Variants in KAT6B observed in about 807,000 individuals in gnomAD.
KAT6B encodes the protein histone acetyltransferase KAT6B.
In KAT6B, 10 loss-of-function variants were observed where a neutral mutation model predicts 187.5. The observed-to-expected ratio is 0.05, with a 90% CI of 0.03 to 0.09. The LOEUF (loss-of-function observed/expected upper bound fraction) is 0.09, where lower values mean the gene tolerates loss of function less well. Ranked by LOEUF, KAT6B falls within the 10% of genes least tolerant of loss-of-function variation. KAT6B has a pLI of 1.00. For synonymous variants in KAT6B, 861 were observed against 926.8 expected, an observed-to-expected ratio of 0.93 and a Z score of 1.29; for missense variants, 1,952 against 2,558.9, an observed-to-expected ratio of 0.76 and a Z score of 5.12.
chr10:74,953,472 T>C (rs988409352), intron 3 of KAT6B, among the ~76,000 whole-genome samples: 3 of 152,202 alleles, frequency 2.0e-5, no homozygotes, highest in African/African-American at 7.2e-5. Context: ...ATTGTGCACT[T>C]TTACAGATGA....
At chr10:74,970,484 T>A (rs895566548) in intron 6 of KAT6B, among the ~76,000 whole-genome samples, 1 of 152,118 alleles carries the variant, frequency 6.6e-6, no homozygotes, top group African/African-American at 2.4e-5. Flanking sequence ...TTGAGGATGA[T>A]AGTGACTCCA....
At chr10:74,843,587 G>T (rs1165721313) in intron 3 of KAT6B, 109 bp downstream of exon 3, 1 of 1,391,052 alleles carries the variant, frequency 7.2e-7, no homozygotes, top group Non-Finnish European at 1.0e-6. Context: ...TGATAAAATT[G>T]AATGTTTTGC....
At position 75,028,974 on chromosome 10, in the gene KAT6B, G is replaced by A. The variant is rs754489276; in HGVS notation, c.4150G>A (p.Gly1384Ser). The A allele has an allele frequency of 1.9e-6, 3 of 1,613,822 alleles. No individual in the cohort carries two copies. Among genetic ancestry groups the A allele is most frequent in the Non-Finnish European group, 2.5e-6 (3 of 1,179,936 alleles). ...AGGAAATGTAGAAAAAGATCCAGAT[G>A]GTGCTAAAAGCCAAGAAAAAGAGGA... Reference protein sequence around the residue: ...GGGNVEKDPDGAKSQEKEEPE... With the variant: ...GGGNVEKDPDSAKSQEKEEPE... The change falls in exon 18 of 18, where the codon GGT (glycine) becomes AGT (serine). Residue 1384 changes from glycine to serine, a missense_variant. By Grantham distance (56) the Gly-to-Ser change is moderately conservative (BLOSUM62 0). Transcript: ENST00000287239.
rs761952897 is a variant in KAT6B, at chr10:75,030,914, C to T, written c.6090C>T (p.Thr2030=). 2.5e-6 allele frequency: 4 copies of T among 1,613,864 alleles called. No homozygotes were observed. The South Asian group carries it at 4.4e-5, about 18-fold the overall frequency. The change falls in exon 18 of 18, where the codon ACC becomes ACT. Residue 2030 remains threonine, a synonymous_variant. Transcript: ENST00000287239. The surrounding 1 kb of genome is among the most constrained non-coding windows in gnomAD (Gnocchi z 4.8). ...PMQMQMGMMG[T]QPYAQQPMQT... Reference sequence around the variant, plus strand: ...AGATGCAGATGGGCATGATGGGCACCCAGCCATATGCCCAGCAGCCAATGC... The same window carrying T: ...AGATGCAGATGGGCATGATGGGCACTCAGCCATATGCCCAGCAGCCAATGC...
intron 12 of KAT6B, among the ~76,000 whole-genome samples, chr10:74,986,090 G>A (rs1470191036): frequency 6.6e-6 from 1 of 152,098 alleles, no homozygotes; most frequent in Non-Finnish European, 1.5e-5. Flanking sequence ...GAAAGCCTAA[G>A]TATCTCTGGC....
At chr10:74,833,508 A>C (rs1841037935) in intron 1 of KAT6B, among the ~76,000 whole-genome samples, 1 of 152,226 alleles carries the variant, frequency 6.6e-6, no homozygotes, top group Non-Finnish European at 1.5e-5. Flanking sequence ...ATAACTATGC[A>C]AACCTAATTC....
At chr10:74,844,267 C>T (rs1294765792) in intron 3 of KAT6B, among the ~76,000 whole-genome samples, 9 of 150,784 alleles carry the variant, frequency 6.0e-5, no homozygotes, top group East Asian at 2.0e-4. Flanking sequence ...GGCACAATCT[C>T]GGCTCACTGC....
chr10:74,853,667 G>T (rs1425580572), intron 3 of KAT6B, among the ~76,000 whole-genome samples: 3 of 126,116 alleles, frequency 2.4e-5, no homozygotes, highest in African/African-American at 6.2e-5. Flanking sequence ...TTGCTGTCTT[G>T]CCCAGGCTGG....
intron 7 of KAT6B, 137 bp from the exon 8 acceptor site, chr10:74,975,262 A>G: frequency 1.4e-6 from 1 of 720,828 alleles, no homozygotes; most frequent in South Asian, 1.6e-5. Context: ...AGAAACATCT[A>G]GGTGGTGGCA....
At chr10:74,884,830 A>G (rs564632125) in intron 3 of KAT6B, among the ~76,000 whole-genome samples, 1 of 152,214 alleles carries the variant, frequency 6.6e-6, no homozygotes, top group East Asian at 1.9e-4. Flanking sequence ...CAGCCTCCCA[A>G]AATGCTGGGA....
chr10:74,999,510 C>G (rs1400844663), intron 13 of KAT6B, among the ~76,000 whole-genome samples: 1 of 152,136 alleles, frequency 6.6e-6, no homozygotes, highest in African/African-American at 2.4e-5. Context: ...GAATGAGGAG[C>G]TCGCCAAGGA....
chr10:74,897,509 T>C (rs939337440), intron 3 of KAT6B, among the ~76,000 whole-genome samples: 5 of 152,204 alleles, frequency 3.3e-5, no homozygotes, highest in African/African-American at 4.8e-5. Flanking sequence ...GTTAATTAAG[T>C]CATTTTACCT....
At position 74,837,603 on chromosome 10, in the gene KAT6B, A is replaced by AT. The variant is rs898339163; in HGVS notation, c.-328-1071dup. Reference sequence around the variant, plus strand: ...TATTTGGCTTTTGAATGAATTATGCATTTTTTTTTCCTGTGGATTTGTCTT... The same window carrying AT: ...TATTTGGCTTTTGAATGAATTATGCATTTTTTTTTTCCTGTGGATTTGTCTT... On this transcript the variant is annotated intron_variant, in intron 1 of 17. Coordinates refer to ENST00000287239, the MANE Select transcript of KAT6B (RefSeq NM_012330.4). Among the ~76,000 whole-genome samples the AT allele has an allele frequency of 3.4e-4, 51 of 151,392 alleles. No individual in the cohort carries two copies. The East Asian group carries it at 3.9e-3, about 11-fold the overall frequency.
At chr10:74,894,915 A>G (rs1321828272) in intron 3 of KAT6B, among the ~76,000 whole-genome samples, 1 of 152,160 alleles carries the variant, frequency 6.6e-6, no homozygotes, top group African/African-American at 2.4e-5. Flanking sequence ...TTTTGGCTAT[A>G]TACCCAGAAG....
chr10:74,831,769 G>T (rs560901157), intron 1 of KAT6B, among the ~76,000 whole-genome samples: 50 of 152,316 alleles, frequency 3.3e-4, no homozygotes, highest in African/African-American at 1.1e-3. Flanking sequence ...TTATCTCAGT[G>T]ATTCCTCTTA....
chr10:74,972,629 C>G lies in KAT6B; in HGVS notation c.1051C>G (p.Gln351Glu). ...PIGRPKNKLKQRLLSVTSDEG... is the reference protein window; with the variant it reads ...PIGRPKNKLKERLLSVTSDEG... ...TGGACGACCGAAAAATAAATTAAAG[C>G]AACGATTGTTGTAGGTTGAGATCTT... The change falls in exon 7 of 18, where the codon CAA becomes GAA. Residue 351 changes from glutamine to glutamate, a missense_variant. Coordinates refer to ENST00000287239, the MANE Select transcript of KAT6B (RefSeq NM_012330.4). The G allele has an allele frequency of 6.2e-7, 1 of 1,613,060 alleles. No individual in the cohort carries two copies. The highest frequency in any genetic ancestry group is 8.5e-7 in the Non-Finnish European group (1 of 1,179,278).
At chr10:75,028,001 G>A (rs191588089) in intron 17 of KAT6B, among the ~76,000 whole-genome samples, 115 of 152,274 alleles carry the variant, frequency 7.6e-4, no homozygotes, top group African/African-American at 2.7e-3. Flanking sequence ...AATAAATCAT[G>A]TCTTCCAAGA....
At chr10:74,829,192 A>C (rs1840539723) in intron 1 of KAT6B, among the ~76,000 whole-genome samples, 1 of 152,174 alleles carries the variant, frequency 6.6e-6, no homozygotes, top group Non-Finnish European at 1.5e-5. Flanking sequence ...TGTTTATTTC[A>C]CACACTGCTT....
At chr10:74,891,625 A>G (rs1412971502) in intron 3 of KAT6B, among the ~76,000 whole-genome samples, 1 of 152,212 alleles carries the variant, frequency 6.6e-6, no homozygotes, top group African/African-American at 2.4e-5. Flanking sequence ...AAAATTAAAT[A>G]ATCTCCTGCC....
Sources: gnomAD v4.1 joint callset for allele counts (sites outside exome capture counted in the v4.1 genomes callset) on GRCh38, gnomAD v4.1.1 for gene constraint, Gnocchi (gnomAD v3.1) non-coding constraint, MANE v1.5 for transcripts, NCBI Gene and HGNC (gene_info 2026-07-23, HGNC 2026-07-21) for gene names.